The following SLC41A2 variants were observed in gnomAD, a reference collection of about 807,000 sequenced individuals.
SLC41A2 encodes solute carrier family 41 member 2.
Under a neutral mutation model 58.3 loss-of-function variants are expected in SLC41A2, and 32 were observed. That is an observed-to-expected ratio of 0.55 (90% confidence interval 0.41 to 0.74). The LOEUF (loss-of-function observed/expected upper bound fraction) is 0.74, where lower values mean the gene tolerates loss of function less well. Among genes scored for constraint, SLC41A2 ranks in the 30% least tolerant of loss-of-function variants. The pLI, the probability that SLC41A2 is intolerant of heterozygous loss-of-function variation, is 0.00. For synonymous variants in SLC41A2, 190 were observed against 235.0 expected (o/e 0.81, Z 1.75); for missense variants, 514 against 680.6 (o/e 0.76, Z 2.72).
At chr12:104,849,407 T>C (rs1371982912) in intron 8 of SLC41A2, among the ~76,000 whole-genome samples, 2 of 152,262 alleles carry the variant, frequency 1.3e-5, no homozygotes, top group Non-Finnish European at 2.9e-5. Flanking sequence ...CTCATCAGAT[T>C]GGCAAACCTT....
intron 10 of SLC41A2, among the ~76,000 whole-genome samples, chr12:104,823,684 A>T (rs893706563): frequency 5.7e-4 from 86 of 152,158 alleles, no homozygotes; most frequent in African/African-American, 2.1e-3. Flanking sequence ...TAAAACAGAA[A>T]GCCCTCACAA....
chr12:104,805,156 T>G lies in SLC41A2; in HGVS notation c.1718A>C (p.Asp573Ala), dbSNP rs1456886438. Residue 573 changes from aspartate to alanine, a missense_variant, in exon 11 of 11, where the codon GAC becomes GCC. Around this residue, in one of 3 missense-constraint regions of SLC41A2, gnomAD observed 128 missense variants for 146.0 expected, o/e 0.88. Transcript: ENST00000258538. ...GAGAGCAGTTTGTAGAATTTATTAGTCTCCAACATCTCCATCTCGATCTCC... is the reference window on the plus strand; with the variant it reads ...GAGAGCAGTTTGTAGAATTTATTAGGCTCCAACATCTCCATCTCGATCTCC... The part of the protein sequence containing the change: ...LIGDRDGDVG[D>A] 8.1e-6 allele frequency: 13 copies of G among 1,607,428 alleles called. No homozygotes were observed. The highest frequency in any genetic ancestry group is 1.1e-5 in the Non-Finnish European group (13 of 1,177,222).
At chr12:104,903,506 G>C (rs926082460) in intron 3 of SLC41A2, among the ~76,000 whole-genome samples, 1 of 152,154 alleles carries the variant, frequency 6.6e-6, no homozygotes, top group Non-Finnish European at 1.5e-5. Context: ...TTAGATTGCT[G>C]AGCCACACCA....
At chr12:104,855,620 T>C (rs956700823) in intron 8 of SLC41A2, among the ~76,000 whole-genome samples, 4 of 152,206 alleles carry the variant, frequency 2.6e-5, no homozygotes, top group Non-Finnish European at 4.4e-5. Context: ...TCTAGTCTGC[T>C]ACTCAACAAA....
At chr12:104,954,520 A>G (rs1050422448) in intron 1 of SLC41A2, among the ~76,000 whole-genome samples, 2 of 152,206 alleles carry the variant, frequency 1.3e-5, no homozygotes. Context: ...GGGCAGAGAA[A>G]ACATCTGTAG....
chr12:104,887,980 C>T (rs1306155947), intron 5 of SLC41A2, among the ~76,000 whole-genome samples: 1 of 151,856 alleles, frequency 6.6e-6, no homozygotes, highest in Non-Finnish European at 1.5e-5. Flanking sequence ...TTTTGAAAAG[C>T]TTTCAAATAC....
intron 2 of SLC41A2, among the ~76,000 whole-genome samples, chr12:104,918,820 C>G (rs768645660): frequency 2.0e-5 from 3 of 152,152 alleles, no homozygotes; most frequent in South Asian, 4.2e-4. Context: ...GATTCACATG[C>G]AGTTATAAAA....
chr12:104,857,647 C>A (rs2043064671), intron 8 of SLC41A2, among the ~76,000 whole-genome samples: 1 of 151,978 alleles, frequency 6.6e-6, no homozygotes, highest in African/African-American at 2.4e-5. Context: ...AAATGTGGCA[C>A]ATATACACCA....
chr12:104,872,669 G>T (rs1456219704), intron 6 of SLC41A2, among the ~76,000 whole-genome samples: 1 of 152,086 alleles, frequency 6.6e-6, no homozygotes, highest in Non-Finnish European at 1.5e-5. Context: ...GGCGGAGGTT[G>T]CAGTGAGCCG....
At chr12:104,948,637 C>A (rs1022541399) in intron 1 of SLC41A2, among the ~76,000 whole-genome samples, 3 of 152,174 alleles carry the variant, frequency 2.0e-5, no homozygotes, top group African/African-American at 7.2e-5. Context: ...TCATGACTTT[C>A]TGACTAACCA....
chr12:104,821,883 A>G, intron 10 of SLC41A2, among the ~76,000 whole-genome samples: 1 of 152,324 alleles, frequency 6.6e-6, no homozygotes, highest in Middle Eastern at 3.4e-3. Flanking sequence ...TATACATATC[A>G]TTGTTCTTTA....
At chr12:104,857,410 G>A (rs1244032253) in intron 8 of SLC41A2, among the ~76,000 whole-genome samples, 5 of 152,178 alleles carry the variant, frequency 3.3e-5, no homozygotes, top group Admixed American at 6.5e-5. Context: ...TGGTGGGACT[G>A]TAAACTAGTT....
chr12:104,852,620 C>T (rs1476223856), intron 8 of SLC41A2, among the ~76,000 whole-genome samples: 1 of 152,056 alleles, frequency 6.6e-6, no homozygotes, highest in Non-Finnish European at 1.5e-5. Context: ...GAAACACAGA[C>T]ATAACTGATG....
At chr12:104,892,375 A>C (rs1010647274) in intron 4 of SLC41A2, among the ~76,000 whole-genome samples, 9 of 152,000 alleles carry the variant, frequency 5.9e-5, no homozygotes, top group African/African-American at 2.2e-4. Context: ...AAAAAGTGTA[A>C]AGATATTCTA....
At chr12:104,891,726 A>T (rs1054039625) in intron 4 of SLC41A2, among the ~76,000 whole-genome samples, 3 of 151,938 alleles carry the variant, frequency 2.0e-5, no homozygotes, top group Non-Finnish European at 4.4e-5. Flanking sequence ...AATGAAGGGC[A>T]TCTAAATTGG....
chr12:104,891,736 G>T (rs556248638), intron 4 of SLC41A2, among the ~76,000 whole-genome samples: 22 of 151,776 alleles, frequency 1.4e-4, no homozygotes, highest in African/African-American at 5.3e-4. Context: ...ATCTAAATTG[G>T]AAAGAAAGAA....
At chr12:104,806,750 T>C (rs985370549) in intron 10 of SLC41A2, among the ~76,000 whole-genome samples, 8 of 152,088 alleles carry the variant, frequency 5.3e-5, no homozygotes, top group East Asian at 1.9e-4. Flanking sequence ...TTTTAATGAT[T>C]GCCATTCTAA....
chr12:104,894,361 A>T (rs367742448), intron 4 of SLC41A2, among the ~76,000 whole-genome samples: 138 of 152,224 alleles, frequency 9.1e-4, no homozygotes, highest in East Asian at 1.7e-3. Flanking sequence ...TCAAAAAAAA[A>T]AAATAAATAA....
intron 6 of SLC41A2, among the ~76,000 whole-genome samples, chr12:104,879,835 A>C (rs1311357040): frequency 1.3e-5 from 2 of 152,106 alleles, no homozygotes; most frequent in South Asian, 4.1e-4. Context: ...CTGTGAAGAA[A>C]GTCATTGGTA....
Sources: gnomAD v4.1 joint callset for allele counts (sites outside exome capture counted in the v4.1 genomes callset) on GRCh38, gnomAD v4.1.1 for gene constraint, gnomAD v4.1.1 regional missense constraint, MANE v1.5 for transcripts, NCBI Gene and HGNC (gene_info 2026-07-23, HGNC 2026-07-21) for gene names.